Variants in CCNY observed in about 807,000 individuals in gnomAD.
CCNY encodes cyclin-Y.
Under a neutral mutation model 42.8 loss-of-function variants are expected in CCNY, and 19 were observed. The observed-to-expected ratio is 0.44, with a 90% CI of 0.31 to 0.65. The LOEUF (loss-of-function observed/expected upper bound fraction) is 0.65. Ranked by LOEUF, CCNY falls within the 30% of genes least tolerant of loss-of-function variation. The pLI, the probability that CCNY is intolerant of heterozygous loss-of-function variation, is 0.07. For missense variants in CCNY, 370 were observed against 437.3 expected, an observed-to-expected ratio of 0.85 and a Z score of 1.37; for synonymous variants, 165 against 162.7, an observed-to-expected ratio of 1.01 and a Z score of -0.11.
chr10:35,565,005 CT>C (rs766359552), intron 8 of CCNY, among the ~76,000 whole-genome samples: 1 of 151,142 alleles, frequency 6.6e-6, no homozygotes, highest in Non-Finnish European at 1.5e-5. Context: ...GTGGGCACCC[CT>C]GGGGGCTTCC....
At chr10:35,401,422 A>G (rs2135229600) in intron 1 of CCNY, among the ~76,000 whole-genome samples, 1 of 152,370 alleles carries the variant, frequency 6.6e-6, no homozygotes, top group Non-Finnish European at 1.5e-5. Flanking sequence ...AGTTCTGATT[A>G]TCTGCCAGTT....
At chr10:35,347,793 A>G (rs1450156692) in intron 1 of CCNY, among the ~76,000 whole-genome samples, 2 of 152,064 alleles carry the variant, frequency 1.3e-5, no homozygotes, top group African/African-American at 4.8e-5. Context: ...TATTGGATAC[A>G]TTTATTCCAG....
Position 35,493,377 on chromosome 10 carries a change from C to A in CCNY, c.230-8124C>A, listed in dbSNP as rs181164674. On this transcript the variant is annotated intron_variant, in intron 2 of 9. Coordinates refer to ENST00000374704, the MANE Select transcript of CCNY (RefSeq NM_145012.6). ...GACAGCACCTGTGGCCTGCTGGTAG[C>A]CATAAACTTACTTTTCAATTCTCTT... Among the ~76,000 whole-genome samples, 18 of 152,268 alleles carry A rather than the reference C, an allele frequency of 1.2e-4. No individual in the cohort carries two copies. The East Asian group carries it at 3.1e-3, about 26-fold the overall frequency.
chr10:35,389,628 T>C (rs1387302799), intron 1 of CCNY, among the ~76,000 whole-genome samples: 1 of 152,104 alleles, frequency 6.6e-6, no homozygotes, highest in East Asian at 1.9e-4. Context: ...TTAGTAGAGA[T>C]GGGTTTTACT....
chr10:35,466,596 T>C (rs1290738951), intron 1 of CCNY, among the ~76,000 whole-genome samples: 2 of 152,172 alleles, frequency 1.3e-5, no homozygotes, highest in Non-Finnish European at 2.9e-5. Context: ...CTAGCATTTA[T>C]CCTGTTGCTC....
At chr10:35,450,089 GACT>G (rs552664811) in intron 1 of CCNY, among the ~76,000 whole-genome samples, 2 of 152,224 alleles carry the variant, frequency 1.3e-5, no homozygotes, top group East Asian at 3.9e-4. Flanking sequence ...GAGCCAATAT[GACT>G]ACAAGGCTGT....
At chr10:35,281,760 G>C (rs546383324) in intron 3 of CCNY, among the ~76,000 whole-genome samples, 1 of 152,222 alleles carries the variant, frequency 6.6e-6, no homozygotes, top group South Asian at 2.1e-4. Context: ...GCCATAAAAG[G>C]GAGGAACTAC....
At chr10:35,463,302 G>A (rs1311209572) in intron 1 of CCNY, among the ~76,000 whole-genome samples, 2 of 152,216 alleles carry the variant, frequency 1.3e-5, no homozygotes, top group African/African-American at 2.4e-5. Context: ...CATGGTAGAT[G>A]CTTACTAAAC....
intron 1 of CCNY, among the ~76,000 whole-genome samples, chr10:35,363,138 C>T (rs1352070459): frequency 1.3e-5 from 2 of 148,234 alleles, no homozygotes; most frequent in Admixed American, 1.3e-4. Context: ...CTCCTCACTT[C>T]CCAGACGGTA....
intron 3 of CCNY, among the ~76,000 whole-genome samples, chr10:35,329,400 T>TA (rs112391517): frequency 0.01 from 1,547 of 151,764 alleles, 24 homozygotes; most frequent in African/African-American, 0.036. Context: ...AAATAAAAAA[T>TA]AAAAAAAAAT....
rs186544380 is a variant in CCNY at position 35,489,718 on chromosome 10, C to T, written c.229+6240C>T. ...AAGGGATTTGTCAGCCAAAATAATTCCTAATAATCAGCTACAGTTCAGTTT... is the reference window on the plus strand; with the variant it reads ...AAGGGATTTGTCAGCCAAAATAATTTCTAATAATCAGCTACAGTTCAGTTT... On this transcript the variant is annotated intron_variant, in intron 2 of 9. Coordinates refer to ENST00000374704, the MANE Select transcript of CCNY (RefSeq NM_145012.6). Among the ~76,000 whole-genome samples, 270 of 152,102 alleles carry T rather than the reference C, an allele frequency of 1.8e-3. 2 individuals carry two copies. Among genetic ancestry groups the T allele is most frequent in the Non-Finnish European group, 3.2e-3 (215 of 67,996 alleles).
chr10:35,424,687 T>C (rs1363677500), intron 1 of CCNY, among the ~76,000 whole-genome samples: 2 of 152,178 alleles, frequency 1.3e-5, no homozygotes, highest in African/African-American at 4.8e-5. Flanking sequence ...AGCTCTCACA[T>C]AGCCTGATCA....
At chr10:35,528,853 G>A (rs1206242298) in intron 5 of CCNY, among the ~76,000 whole-genome samples, 1 of 152,220 alleles carries the variant, frequency 6.6e-6, no homozygotes, top group African/African-American at 2.4e-5. Context: ...TGTTTGTCAT[G>A]ATAAGTGTGT....
chr10:35,428,919 C>G (rs1021993586), intron 1 of CCNY, among the ~76,000 whole-genome samples: 1 of 152,092 alleles, frequency 6.6e-6, no homozygotes, highest in African/African-American at 2.4e-5. Context: ...CCTTTGGGCC[C>G]CTTACTTAGG....
chr10:35,483,643 A>G (rs1839722007), intron 2 of CCNY, among the ~76,000 whole-genome samples, 165 bp downstream of exon 2: 2 of 152,022 alleles, frequency 1.3e-5, no homozygotes, highest in Admixed American at 6.6e-5. Flanking sequence ...TTTCTTTTGC[A>G]GTGTTATGTT....
intron 1 of CCNY, among the ~76,000 whole-genome samples, chr10:35,411,749 AAG>A (rs1205265844): frequency 1.3e-5 from 2 of 152,170 alleles, no homozygotes; most frequent in African/African-American, 4.8e-5. Flanking sequence ...ATGTTCTACT[AAG>A]AGATTTCTTC....
chr10:35,377,997 CT>C (rs1184307286), intron 1 of CCNY, among the ~76,000 whole-genome samples: 2 of 152,154 alleles, frequency 1.3e-5, no homozygotes, highest in Non-Finnish European at 2.9e-5. Flanking sequence ...GTTTTATGGA[CT>C]TTTAAGATAA....
chr10:35,520,748 A>G (rs539146470), intron 4 of CCNY, among the ~76,000 whole-genome samples: 86 of 152,198 alleles, frequency 5.7e-4, no homozygotes, highest in Non-Finnish European at 9.6e-4. Context: ...TTCTGTAGAC[A>G]TAATTTTTTA....
intron 1 of CCNY, among the ~76,000 whole-genome samples, chr10:35,406,877 C>T (rs1040054126): frequency 7.9e-5 from 12 of 152,052 alleles, no homozygotes; most frequent in East Asian, 3.9e-4. Flanking sequence ...CCCCCACCTC[C>T]GTCCCCGTCG....
Sources: gnomAD v4.1 joint callset for allele counts (sites outside exome capture counted in the v4.1 genomes callset) on GRCh38, gnomAD v4.1.1 for gene constraint, MANE v1.5 for transcripts, NCBI Gene and HGNC (gene_info 2026-07-23, HGNC 2026-07-21) for gene names.